The following PEX6 variants were observed in gnomAD, a reference collection of about 807,000 sequenced individuals.
The protein encoded by PEX6 is peroxisome biogenesis factor 6.
PEX6 carries 55 observed loss-of-function variants against 85.6 expected under a neutral mutation model. The observed-to-expected ratio is 0.64, with a 90% CI of 0.52 to 0.80. PEX6 has a LOEUF of 0.80. Ranked by LOEUF, PEX6 falls within the 30% of genes least tolerant of loss-of-function variation. PEX6 has a pLI of 0.00. For missense variants in PEX6, 1,099 were observed against 1,260.3 expected (o/e 0.87, Z 1.94); for synonymous variants, 519 against 549.1 (o/e 0.95, Z 0.77).
At chr6:42,968,762 G>T in intron 6 of PEX6, 112 bp downstream of exon 6, 1 of 881,490 alleles carries the variant, frequency 1.1e-6, no homozygotes, top group Non-Finnish European at 1.9e-6. Flanking sequence ...CTGGGCTGAA[G>T]TGCTAGGGCC....
rs766045376 is a variant in PEX6 at position 42,968,427 on chromosome 6, C to G, written c.1551G>C (p.Arg517=). ...GGACTGCAGGCCGGCAACGGCGGGCCCGGGAGAAGATGGCCTGCAGTTTTG... is the reference window on the plus strand; with the variant it reads ...GGACTGCAGGCCGGCAACGGCGGGCGCGGGAGAAGATGGCCTGCAGTTTTG... The part of the protein sequence containing the change: ...VETKLQAIFS[R]ARRCRPAVLL... The change falls in exon 7 of 17, where the codon CGG becomes CGC. Residue 517 remains arginine, a synonymous_variant. Coordinates refer to ENST00000304611, the MANE Select transcript of PEX6 (RefSeq NM_000287.4). 10 of 1,612,088 alleles carry G rather than the reference C, an allele frequency of 6.2e-6. No homozygotes were observed. In the Admixed American group the frequency reaches 1.5e-4, roughly 24 times the overall value.
At position 42,968,372 on chromosome 6, in the gene PEX6, G is replaced by T. The variant is rs368752843; in HGVS notation, c.1606C>A (p.Arg536=). 1.2e-6 allele frequency: 2 copies of T among 1,614,128 alleles called. No homozygotes were observed. Among genetic ancestry groups the T allele is most frequent in the East Asian group, 2.2e-5 (1 of 44,878 alleles). The change falls in exon 7 of 17, where the codon CGG becomes AGG. Residue 536 remains arginine (R), a synonymous_variant. Coordinates refer to ENST00000304611, the MANE Select transcript of PEX6 (RefSeq NM_000287.4). ...LLLTAVDLLG[R]DRDGLGEDAR... ...TCCTCACCCAGCCCATCACGGTCCC[G>T]GCCCAGAAGGTCCACAGCTGTGAGC...
At chr6:42,967,652 G>T in intron 7 of PEX6, 89 bp from the exon 8 acceptor site, 1 of 1,218,392 alleles carries the variant, frequency 8.2e-7, no homozygotes, top group Non-Finnish European at 1.2e-6. Context: ...CAGAAGGGCA[G>T]GGAAGTGAGG....
At position 42,965,870 on chromosome 6, in the gene PEX6, T is replaced by C; in HGVS notation, c.2363-81A>G. 3 of 1,377,096 alleles carry C rather than the reference T, an allele frequency of 2.2e-6. No individual in the cohort carries two copies. The highest frequency in any genetic ancestry group is 3.1e-6 in the Non-Finnish European group (3 of 967,822). The allele number at this position is 1,377,096 out of a possible 1,614,324, so 85.3% of individuals were successfully genotyped here. A position where few individuals can be genotyped will look rare whatever the true frequency, so the allele number is the denominator to read the frequency against. On this transcript the variant is annotated intron_variant, in intron 12 of 16. Coordinates refer to ENST00000304611, the MANE Select transcript of PEX6 (RefSeq NM_000287.4). This position sits in a 1 kb window ranked among gnomAD's most constrained non-coding sequence, Gnocchi z 5.0. ...GTTAGGTGAGAGCAGGGAGGGAAACTGGGGCCTGACAATACAGCACTGGCA... is the reference window on the plus strand; with the variant it reads ...GTTAGGTGAGAGCAGGGAGGGAAACCGGGGCCTGACAATACAGCACTGGCA...
At chr6:42,974,306 G>A (rs1040605623) in intron 2 of PEX6, among the ~76,000 whole-genome samples, 3 of 152,146 alleles carry the variant, frequency 2.0e-5, no homozygotes, top group Non-Finnish European at 4.4e-5. Flanking sequence ...GGCAGAGCAG[G>A]ATCCTGGCTC....
intron 3 of PEX6, among the ~76,000 whole-genome samples, chr6:42,973,069 T>C (rs1013558754): frequency 6.6e-6 from 1 of 152,148 alleles, no homozygotes; most frequent in Non-Finnish European, 1.5e-5. Context: ...TGGAGAGCAG[T>C]GATGCGATCT....
chr6:42,966,473 G>A (rs1769812318), intron 10 of PEX6, 26 bp from the exon 11 acceptor site: 1 of 1,614,126 alleles, frequency 6.2e-7, no homozygotes. Flanking sequence ...TGCGTGGTTG[G>A]GATATGCTCT....
intron 8 of PEX6, 114 bp from the exon 9 acceptor site, chr6:42,966,972 T>TG: frequency 7.5e-6 from 5 of 663,600 alleles, no homozygotes; most frequent in Non-Finnish European, 1.3e-5. Flanking sequence ...TTGTTGTTTT[T>TG]TTTTTTTTTT....
intron 10 of PEX6, 33 bp downstream of exon 10, chr6:42,966,492 C>T (rs1264535317): frequency 1.2e-6 from 2 of 1,614,166 alleles, no homozygotes; most frequent in South Asian, 2.2e-5. Flanking sequence ...CTTGGAGGGG[C>T]TCCTGTCCCA....
rs886043369 is a variant in PEX6, at chr6:42,965,122, A to G, written c.2619T>C (p.Asn873=). 6.2e-7 allele frequency: 1 copy of G among 1,614,192 alleles called. No homozygotes were observed. The highest frequency in any genetic ancestry group is 8.5e-7 in the Non-Finnish European group (1 of 1,180,032). The change falls in exon 15 of 17, where the codon AAT becomes AAC. Residue 873 remains asparagine, a synonymous_variant. Coordinates refer to ENST00000304611, the MANE Select transcript of PEX6 (RefSeq NM_000287.4). The surrounding 1 kb of genome is among the most constrained non-coding windows in gnomAD (Gnocchi z 5.0). The part of the protein sequence containing the change: ...RFDKLVFVGA[N]EDRASQLRVL... ...CGCGTAGCTGGGAGGCCCGGTCCTC[A>G]TTTGCCCCCACAAACACCAGCTTGT...
Position 42,968,929 on chromosome 6 carries a change from C to T in PEX6, c.1424G>A (p.Gly475Glu). 6.2e-7 allele frequency: 1 copy of T among 1,614,106 alleles called. No homozygotes were observed. Among genetic ancestry groups the T allele is most frequent in the East Asian group, 2.2e-5 (1 of 44,870 alleles). ...GGCAGCAGCAACTACTGTGGTCTTC[C>T]CACAGCCTGGGGGGCCCCGTAGAAG... is the stretch of plus-strand genomic sequence containing the variant. ...SVLLRGPPGC[G>E]KTTVVAAACS... Residue 475 changes from glycine to glutamate, a missense_variant, in exon 6 of 17, where the codon GGG becomes GAG. Coordinates refer to ENST00000304611, the MANE Select transcript of PEX6 (RefSeq NM_000287.4).
At chr6:42,974,547 T>C (rs1197377122) in intron 2 of PEX6, among the ~76,000 whole-genome samples, 1 of 130,108 alleles carries the variant, frequency 7.7e-6, no homozygotes, top group African/African-American at 2.8e-5. Context: ...AAGCTCCACC[T>C]CCCGGGTTCA....
At chr6:42,970,992 T>C (rs1322352293) in intron 3 of PEX6, among the ~76,000 whole-genome samples, 1 of 152,182 alleles carries the variant, frequency 6.6e-6, no homozygotes, top group Non-Finnish European at 1.5e-5. Context: ...AAAGAAATCA[T>C]GAACTACTTC....
Position 42,968,308 on chromosome 6 carries a change from T to A in PEX6, c.1670A>T (p.Asn557Ile). ...VMAVLRHLLL[N>I]EDPLNSCPPL... ...TAAGTACCTGTTGAGGGGGTCCTCA[T>A]TGAGGAGGAGGTGACGCAGCACAGC... Residue 557 changes from asparagine (N) to isoleucine (I), a missense_variant, in exon 7 of 17, where the codon AAT becomes ATT. This residue lies in a region of PEX6 where 514 missense variants were observed against 627.0 expected (regional missense o/e 0.82). Coordinates refer to ENST00000304611, the MANE Select transcript of PEX6 (RefSeq NM_000287.4). 6.2e-7 allele frequency: 1 copy of A among 1,613,860 alleles called. No individual in the cohort carries two copies. Among genetic ancestry groups the A allele is most frequent in the South Asian group, 1.1e-5 (1 of 91,080 alleles).
At chr6:42,974,449 T>G (rs1249179430) in intron 2 of PEX6, among the ~76,000 whole-genome samples, 2 of 111,358 alleles carry the variant, frequency 1.8e-5, no homozygotes, top group Non-Finnish European at 3.6e-5. Flanking sequence ...AATGTTTTTT[T>G]TGTTTTTTTT....
chr6:42,971,047 T>C lies in PEX6; in HGVS notation c.1131-1060A>G, dbSNP rs571633672. Among the ~76,000 whole-genome samples, 4 of 152,328 alleles carry C rather than the reference T, an allele frequency of 2.6e-5. No homozygotes were observed. In the East Asian group the frequency reaches 5.8e-4, roughly 22 times the overall value. On this transcript the variant is annotated intron_variant, in intron 3 of 16. Transcript: ENST00000304611. This position sits in a 1 kb window ranked among gnomAD's most constrained non-coding sequence, Gnocchi z 4.4. ...GCAAGGCAATGACAGAGTCAGGCTA[T>C]AACCTAGTCCTCTTTAAGGTCCAAT...
At position 42,965,580 on chromosome 6, in the gene PEX6, C is replaced by T. The variant is rs1312046205; in HGVS notation, c.2471+101G>A. 1.1e-5 allele frequency: 11 copies of T among 964,554 alleles called. No individual in the cohort carries two copies. Among genetic ancestry groups the T allele is most frequent in the Non-Finnish European group, 1.7e-6 (1 of 588,122 alleles). The allele number at this position is 964,554 out of a possible 1,614,324, so 59.7% of individuals were successfully genotyped here. A position where few individuals can be genotyped will look rare whatever the true frequency, so the allele number is the denominator to read the frequency against. On this transcript the variant is annotated intron_variant, in intron 13 of 16. Coordinates refer to ENST00000304611, the MANE Select transcript of PEX6 (RefSeq NM_000287.4). The surrounding 1 kb of genome is among the most constrained non-coding windows in gnomAD (Gnocchi z 5.0). ...CCATTATATTATCTCAGAACTGAAA[C>T]AGCAGGAACTTCTATCTCTGGACTC... is the stretch of plus-strand genomic sequence containing the variant.
At position 42,964,814 on chromosome 6, in the gene PEX6, G is replaced by C; in HGVS notation, c.2782C>G (p.Arg928Gly). 1 of 1,614,096 alleles carries C rather than the reference G, an allele frequency of 6.2e-7. No homozygotes were observed. The highest frequency in any genetic ancestry group is 8.5e-7 in the Non-Finnish European group (1 of 1,180,038). Reference protein sequence around the residue: ...CSDAMTAALKRRVHDLEEGLE... With the variant: ...CSDAMTAALKGRVHDLEEGLE... ...CCTTCCTCCAGGTCATGAACCCTGCGTTTGAGGGCAGCTGTCATAGCATCA... is the reference window on the plus strand; with the variant it reads ...CCTTCCTCCAGGTCATGAACCCTGCCTTTGAGGGCAGCTGTCATAGCATCA... The change falls in exon 16 of 17, where the codon CGC becomes GGC. Residue 928 changes from arginine to glycine, a missense_variant. Physicochemically the swap from Arg to Gly is moderately radical, Grantham distance 125 (BLOSUM62 -2). Transcript: ENST00000304611. This position sits in a 1 kb window ranked among gnomAD's most constrained non-coding sequence, Gnocchi z 4.6.
chr6:42,976,308 A>G (rs1326228758), intron 1 of PEX6, among the ~76,000 whole-genome samples: 1 of 152,148 alleles, frequency 6.6e-6, no homozygotes, highest in African/African-American at 2.4e-5. Context: ...TCTAAACCAT[A>G]TATCTAGGTC....
Sources: gnomAD v4.1 joint callset for allele counts (sites outside exome capture counted in the v4.1 genomes callset) on GRCh38, gnomAD v4.1.1 for gene constraint, gnomAD v4.1.1 regional missense constraint, Gnocchi (gnomAD v3.1) non-coding constraint, MANE v1.5 for transcripts, NCBI Gene and HGNC (gene_info 2026-07-23, HGNC 2026-07-21) for gene names.